The following INSR variants were observed in gnomAD, a reference collection of about 807,000 sequenced individuals.
INSR encodes IR.
INSR carries 67 observed loss-of-function variants against 142.6 expected under a neutral mutation model. The ratio of observed to expected loss-of-function variants is 0.47; its 90% CI spans 0.39 to 0.58. INSR has a LOEUF of 0.58. Ranked by LOEUF, INSR falls within the 20% of genes least tolerant of loss-of-function variation. The pLI is 0.00. For missense variants in INSR, 1,248 were observed against 1,833.2 expected (o/e 0.68, Z 5.83); for synonymous variants, 756 against 743.1 (o/e 1.02, Z -0.28).
chr19:7,149,529 G>T (rs570495812), intron 11 of INSR, among the ~76,000 whole-genome samples: 1 of 152,048 alleles, frequency 6.6e-6, no homozygotes, highest in African/African-American at 2.4e-5. Flanking sequence ...AAGTTGAAAA[G>T]AAACGTCCCT....
At chr19:7,280,992 G>A (rs1968191473) in intron 1 of INSR, among the ~76,000 whole-genome samples, 1 of 152,122 alleles carries the variant, frequency 6.6e-6, no homozygotes, top group Non-Finnish European at 1.5e-5. Context: ...ACAGCCACCC[G>A]GACACCAACA....
intron 13 of INSR, among the ~76,000 whole-genome samples, chr19:7,140,088 C>G (rs112026294): frequency 2.6e-5 from 4 of 152,126 alleles, no homozygotes; most frequent in Non-Finnish European, 5.9e-5. Context: ...CTTTACAATG[C>G]TCTGCAAGCC....
At chr19:7,218,880 C>T (rs1379357560) in intron 2 of INSR, among the ~76,000 whole-genome samples, 1 of 151,982 alleles carries the variant, frequency 6.6e-6, no homozygotes, top group East Asian at 1.9e-4. Flanking sequence ...CTGAGGAAAT[C>T]GTATGAGGAA....
rs768168037 is a variant in INSR at position 7,216,592 on chromosome 19, G to A, written c.653-31955C>T. 5.9e-5 allele frequency among the ~76,000 whole-genome samples: 9 copies of A among 152,090 alleles called. No homozygotes were observed. Among genetic ancestry groups the A allele is most frequent in the East Asian group, 3.9e-4 (2 of 5,176 alleles). ...GGTCTGGGAAGGAACAAATTGCCAC[G>A]GTGTAATGGAGCCACTGCAGGTGTC... On this transcript the variant is annotated intron_variant, in intron 2 of 21. Transcript: ENST00000302850. This position sits in a 1 kb window ranked among gnomAD's most constrained non-coding sequence, Gnocchi z 4.2.
intron 2 of INSR, among the ~76,000 whole-genome samples, chr19:7,253,485 G>A (rs886490062): frequency 6.6e-6 from 1 of 151,882 alleles, no homozygotes; most frequent in Non-Finnish European, 1.5e-5. Flanking sequence ...TGATCTGCCC[G>A]CCTCAGCCTC....
Position 7,128,914 on chromosome 19 carries a change from G to T in INSR, c.2883C>A (p.Pro961=), listed in dbSNP as rs1972710958. The T allele has an allele frequency of 6.2e-7, 1 of 1,613,870 alleles. No homozygotes were observed. The highest frequency in any genetic ancestry group is 1.3e-5 in the African/African-American group (1 of 74,906). The part of the protein sequence containing the change: ...PSNIAKIIIG[P]LIFVFLFSVV... ...CACTGAAGAGAAAGACAAAGATGAG[G>T]GGGCCGATGATAATTTTTGCAATAT... The change falls in exon 15 of 22, where the codon CCC becomes CCA. Residue 961 remains proline, a synonymous_variant. Transcript: ENST00000302850.
intron 1 of INSR, among the ~76,000 whole-genome samples, chr19:7,274,347 A>C (rs572154985): frequency 5.3e-5 from 8 of 151,910 alleles, no homozygotes; most frequent in African/African-American, 1.2e-4. Flanking sequence ...TCTACTGTGC[A>C]GCCCAGCTCC....
At chr19:7,210,527 C>A (rs1025228157) in intron 2 of INSR, among the ~76,000 whole-genome samples, 1 of 151,920 alleles carries the variant, frequency 6.6e-6, no homozygotes. Context: ...CCTCGCTGTG[C>A]GACTCCTGGA....
intron 9 of INSR, among the ~76,000 whole-genome samples, chr19:7,153,325 C>CAA (rs1973477819): frequency 2.7e-5 from 4 of 147,374 alleles, no homozygotes; most frequent in Non-Finnish European, 3.0e-5. Flanking sequence ...ACACACACCA[C>CAA]ACACACCCAC....
Position 7,166,496 on chromosome 19 carries a change from G to A in INSR, c.1611-92C>T. ...GAGGCCTGGGAAGTTACATCCCATA[G>A]GGTCACATGTTACTCACCCAACAAT... On this transcript the variant is annotated intron_variant, in intron 7 of 21. Transcript: ENST00000302850. The surrounding 1 kb of genome is among the most constrained non-coding windows in gnomAD (Gnocchi z 4.1). 1 of 1,374,170 alleles carries A rather than the reference G, an allele frequency of 7.3e-7. No individual in the cohort carries two copies. Among genetic ancestry groups the A allele is most frequent in the Non-Finnish European group, 1.0e-6 (1 of 987,012 alleles). The allele number at this position is 1,374,170 out of a possible 1,614,324, so 85.1% of individuals were successfully genotyped here.
Position 7,184,640 on chromosome 19 carries a change from GGAGAGAGA to G in INSR, c.653-11_653-4del, listed in dbSNP as rs3835070. 1.5e-6 allele frequency: 2 copies of G among 1,376,202 alleles called. No individual in the cohort carries two copies. Among genetic ancestry groups the G allele is most frequent in the Non-Finnish European group, 2.0e-6 (2 of 1,003,402 alleles). 85.2% of individuals were successfully genotyped at this position (1,376,202 alleles called of 1,614,324 possible). A position where few individuals can be genotyped will look rare whatever the true frequency, so the allele number is the denominator to read the frequency against. Reference sequence around the variant, plus strand: ...TGACTTACAGATGGTCGGGCAAACTGGAGAGAGAGAGAGAGAGAGAGGGAAATAAATAA... The same window carrying G: ...TGACTTACAGATGGTCGGGCAAACTGGAGAGAGAGAGAGGGAAATAAATAA... On this transcript the variant is annotated splice_region_variant and splice_polypyrimidine_tract_variant and intron_variant, in intron 2 of 21. Coordinates refer to ENST00000302850, the MANE Select transcript of INSR (RefSeq NM_000208.4).
intron 9 of INSR, among the ~76,000 whole-genome samples, chr19:7,162,301 T>C (rs1410034946): frequency 1.5e-5 from 2 of 131,486 alleles, no homozygotes; most frequent in African/African-American, 3.0e-5. Flanking sequence ...CACTCCAGCC[T>C]GGGTGACAGA....
At chr19:7,204,953 G>A (rs1192471733) in intron 2 of INSR, among the ~76,000 whole-genome samples, 1 of 151,942 alleles carries the variant, frequency 6.6e-6, no homozygotes, top group Non-Finnish European at 1.5e-5. Flanking sequence ...GCATGGTGGC[G>A]GGTGCCTGTC....
At position 7,192,144 on chromosome 19, in the gene INSR, G is replaced by C. The variant is rs1359667970; in HGVS notation, c.653-7507C>G. On this transcript the variant is annotated intron_variant, in intron 2 of 21. Transcript: ENST00000302850. The surrounding 1 kb of genome is among the most constrained non-coding windows in gnomAD (Gnocchi z 4.2). ...AGAGGGAGAAAGAAGAAAGATAAGA[G>C]AGAGAGAAAGAGAAAGAAAAAGAAA... Among the ~76,000 whole-genome samples, 1 of 141,228 alleles carries C rather than the reference G, an allele frequency of 7.1e-6. No individual in the cohort carries two copies. Among genetic ancestry groups the C allele is most frequent in the African/African-American group, 2.7e-5 (1 of 37,466 alleles). 92.7% of individuals were successfully genotyped at this position (141,228 alleles called of 152,430 possible).
intron 3 of INSR, among the ~76,000 whole-genome samples, chr19:7,179,963 C>T (rs1380921647): frequency 6.6e-6 from 1 of 152,178 alleles, no homozygotes; most frequent in Non-Finnish European, 1.5e-5. Context: ...TTGAAAAGCA[C>T]TTGAACATTG....
chr19:7,263,799 G>C (rs1398451120), intron 2 of INSR, among the ~76,000 whole-genome samples: 1 of 151,990 alleles, frequency 6.6e-6, no homozygotes, highest in African/African-American at 2.4e-5. Flanking sequence ...TTGGGAAGCC[G>C]AGGTGCTTGA....
intron 3 of INSR, among the ~76,000 whole-genome samples, chr19:7,184,073 A>C (rs957803552): frequency 1.3e-5 from 2 of 151,254 alleles, no homozygotes; most frequent in Non-Finnish European, 2.9e-5. Context: ...AAAAAAAAAA[A>C]AAGAATGGTG....
intron 2 of INSR, among the ~76,000 whole-genome samples, chr19:7,239,784 T>C (rs893590361): frequency 6.6e-6 from 1 of 151,534 alleles, no homozygotes; most frequent in Non-Finnish European, 1.5e-5. Context: ...CTAGCAATAC[T>C]GAATCAAGAG....
In INSR at chr19:7,117,237, T is replaced by C; in HGVS notation, c.3968A>G (p.Asp1323Gly). 6.2e-7 allele frequency: 1 copy of C among 1,614,204 alleles called. No homozygotes were observed. The highest frequency in any genetic ancestry group is 8.5e-7 in the Non-Finnish European group (1 of 1,180,040). ...ESEELEMEFE[D>G]MENVPLDRSS... ...ACGGTCCAGGGGCACATTCTCCATG[T>C]CCTCAAACTCCATCTCCAGCTCCTC... Residue 1323 changes from aspartate to glycine, a missense_variant, in exon 22 of 22, where the codon GAC becomes GGC. Physicochemically the swap from Asp to Gly is moderately conservative, Grantham distance 94. This residue lies in a region of INSR where 122 missense variants were observed against 129.8 expected (regional missense o/e 0.94). Transcript: ENST00000302850.
Sources: allele counts gnomAD v4.1 joint callset (sites outside exome capture counted in the v4.1 genomes callset), GRCh38; gene constraint gnomAD v4.1.1; regional missense constraint gnomAD v4.1.1; non-coding constraint Gnocchi (gnomAD v3.1); transcripts MANE v1.5; gene names NCBI Gene and HGNC (gene_info 2026-07-23, HGNC 2026-07-21).